LDHC: variants seen among roughly 807,000 people sequenced by gnomAD.
The protein encoded by LDHC is lactate dehydrogenase C.
LDHC carries 20 observed loss-of-function variants against 30.2 expected under a neutral mutation model. That is an observed-to-expected ratio of 0.66 (90% CI 0.47 to 0.96). The LOEUF is 0.96. Ranked by LOEUF, LDHC falls within the 40% of genes least tolerant of loss-of-function variation. The pLI, the probability that LDHC is intolerant of heterozygous loss-of-function variation, is 0.00. For synonymous variants in LDHC, 139 were observed against 132.7 expected (o/e 1.05, Z -0.32); for missense variants, 362 against 394.9 (o/e 0.92, Z 0.71).
intron 4 of LDHC, among the ~76,000 whole-genome samples, chr11:18,432,080 A>T (rs1256724522): frequency 6.6e-6 from 1 of 151,952 alleles, no homozygotes; most frequent in African/African-American, 2.4e-5. Context: ...GGTCTTTCAG[A>T]CTTTTTGATG....
At chr11:18,413,652 G>A (rs1172766206) in intron 2 of LDHC, among the ~76,000 whole-genome samples, 8 of 151,516 alleles carry the variant, frequency 5.3e-5, no homozygotes, top group Non-Finnish European at 1.5e-5. Flanking sequence ...TAGTAGAGAC[G>A]GGGTTTCATC....
At chr11:18,413,281 C>T (rs1866934968) in intron 2 of LDHC, among the ~76,000 whole-genome samples, 1 of 151,564 alleles carries the variant, frequency 6.6e-6, no homozygotes. Context: ...TGGGGTTTCT[C>T]CATGTTGGCC....
rs1007827759 is a variant in LDHC, at chr11:18,434,874, T to C, written c.553T>C (p.Cys185Arg). 17 of 1,613,378 alleles carry C rather than the reference T, an allele frequency of 1.1e-5. No individual in the cohort carries two copies. Among genetic ancestry groups the C allele is most frequent in the Non-Finnish European group, 1.4e-5 (17 of 1,179,440 alleles). Residue 185 changes from cysteine to arginine, a missense_variant, in exon 5 of 8, where the codon TGC (cysteine) becomes CGC (arginine). Transcript: ENST00000541669. The stretch of plus-strand genomic sequence containing the variant: ...AAAGTTGGGTGTCCACCCCACAAGC[T>C]GCCATGGTTGGATTATTGGAGAACA... ...GEKLGVHPTSCHGWIIGEHGD... is the reference protein window; with the variant it reads ...GEKLGVHPTSRHGWIIGEHGD...
rs184589862 is a variant in LDHC at position 18,431,437 on chromosome 11, G to A, written c.418+1527G>A. 3.2e-3 allele frequency among the ~76,000 whole-genome samples: 480 copies of A among 151,978 alleles called. 5 individuals carry two copies. Among genetic ancestry groups the A allele is most frequent in the Middle Eastern group, 0.014 (4 of 294 alleles). On this transcript the variant is annotated intron_variant, in intron 4 of 7. Transcript: ENST00000541669. ...AGATCGCACCATTGCATTCCAGCCT[G>A]GGCAACAAGAGTGAAACTCTGTCTC...
intron 3 of LDHC, among the ~76,000 whole-genome samples, chr11:18,425,071 T>C (rs114274299): frequency 1.3e-3 from 197 of 152,316 alleles, no homozygotes; most frequent in African/African-American, 4.4e-3. Flanking sequence ...AAAGCTTTTT[T>C]AAAAGTAATG....
chr11:18,422,817 T>C (rs985600936), intron 3 of LDHC, among the ~76,000 whole-genome samples: 2 of 151,528 alleles, frequency 1.3e-5, no homozygotes, highest in African/African-American at 2.4e-5. Flanking sequence ...ACCATGTCTT[T>C]ACCAAAAATA....
chr11:18,430,862 C>T (rs1025999410), intron 4 of LDHC, among the ~76,000 whole-genome samples: 5 of 152,014 alleles, frequency 3.3e-5, no homozygotes, highest in Non-Finnish European at 5.9e-5. Flanking sequence ...ATGTTTAACT[C>T]TATCAGAAAT....
At chr11:18,428,311 A>AC (rs112203785) in intron 3 of LDHC, among the ~76,000 whole-genome samples, 23,083 of 150,944 alleles carry the variant, frequency 0.15, 1,977 homozygotes, top group African/African-American at 0.23. Context: ...AGCTGGGATT[A>AC]AGATGCACGC....
chr11:18,413,614 C>T (rs559034838), intron 2 of LDHC, among the ~76,000 whole-genome samples: 10 of 152,142 alleles, frequency 6.6e-5, no homozygotes, highest in Non-Finnish European at 1.5e-4. Flanking sequence ...AGGCATGTGC[C>T]ACCACGCCCA....
chr11:18,443,460 C>CTTTT (rs34546967), intron 6 of LDHC, among the ~76,000 whole-genome samples: 65 of 135,724 alleles, frequency 4.8e-4, no homozygotes, highest in Non-Finnish European at 7.8e-4. Context: ...TTCTTTCTTT[C>CTTTT]TTTTTTTTTT....
intron 4 of LDHC, among the ~76,000 whole-genome samples, chr11:18,431,033 T>C (rs1848257342): frequency 1.3e-5 from 2 of 151,756 alleles, no homozygotes; most frequent in Admixed American, 6.6e-5. Context: ...GGTATGAAGA[T>C]TGCATAAGCC....
At chr11:18,416,191 T>A (rs1294419563) in intron 3 of LDHC, among the ~76,000 whole-genome samples, 1 of 152,178 alleles carries the variant, frequency 6.6e-6, no homozygotes, top group African/African-American at 2.4e-5. Flanking sequence ...CTTATATATT[T>A]TCCCAAGAAT....
chr11:18,442,071 GT>G (rs113519757), intron 6 of LDHC, among the ~76,000 whole-genome samples: 22,619 of 150,746 alleles, frequency 0.15, 1,874 homozygotes, highest in Middle Eastern at 0.22. Context: ...TTTGTTTTTT[GT>G]TTTTTTTTAA....
chr11:18,451,036 T>C lies in LDHC; in HGVS notation c.908T>C (p.Val303Ala). 6.3e-7 allele frequency: 1 copy of C among 1,594,466 alleles called. No homozygotes were observed. The change falls in exon 8 of 8, where the codon GTT (valine) becomes GCT (alanine). Residue 303 changes from valine (V) to alanine (A), a missense_variant. Transcript: ENST00000541669. ...CVLGRNGVSD[V>A]VKINLNSEEE... is the part of the protein sequence containing the mutation. Reference sequence around the variant, plus strand: ...TTGGGGCGGAATGGTGTCTCAGATGTTGTGAAAATTAACTTGAATTCTGAG... The same window carrying C: ...TTGGGGCGGAATGGTGTCTCAGATGCTGTGAAAATTAACTTGAATTCTGAG...
At chr11:18,412,587 T>G in intron 1 of LDHC, 122 bp from the exon 2 acceptor site, 1 of 893,126 alleles carries the variant, frequency 1.1e-6, no homozygotes, top group South Asian at 1.6e-5. Flanking sequence ...CCGCATCCTT[T>G]GACCAGGAAA....
At chr11:18,436,563 C>T (rs557376919) in intron 5 of LDHC, among the ~76,000 whole-genome samples, 12 of 148,800 alleles carry the variant, frequency 8.1e-5, no homozygotes, top group Non-Finnish European at 1.8e-4. Flanking sequence ...CTCGGCTCAC[C>T]GCAACCTCCG....
chr11:18,420,745 A>G (rs1867109999), intron 3 of LDHC, among the ~76,000 whole-genome samples: 1 of 151,770 alleles, frequency 6.6e-6, no homozygotes, highest in South Asian at 2.1e-4. Flanking sequence ...ACAAAAGTAT[A>G]TATATCAGGC....
At chr11:18,438,739 G>T in intron 6 of LDHC, 94 bp downstream of exon 6, 1 of 643,376 alleles carries the variant, frequency 1.6e-6, no homozygotes, top group South Asian at 2.0e-5. Flanking sequence ...CTTGCTTTTT[G>T]TGAGATAAAT....
chr11:18,431,416 C>T (rs192374296), intron 4 of LDHC, among the ~76,000 whole-genome samples: 83 of 152,132 alleles, frequency 5.5e-4, no homozygotes, highest in Non-Finnish European at 9.6e-4. Flanking sequence ...GAGTTGAGAT[C>T]GCACCATTGC....
Sources: gnomAD v4.1 joint callset for allele counts (sites outside exome capture counted in the v4.1 genomes callset) on GRCh38, gnomAD v4.1.1 for gene constraint, MANE v1.5 for transcripts, NCBI Gene and HGNC (gene_info 2026-07-23, HGNC 2026-07-21) for gene names.